The following HDAC9 variants were observed in gnomAD, a reference collection of about 807,000 sequenced individuals.
The protein encoded by HDAC9 is histone deacetylase 9.
A neutral mutation model predicts 139.4 loss-of-function variants in HDAC9; 41 were observed. The ratio of observed to expected loss-of-function variants is 0.29; its 90% CI spans 0.23 to 0.38. The LOEUF (loss-of-function observed/expected upper bound fraction) is 0.38. HDAC9 is among the 10% of genes least tolerant of loss of function. HDAC9 has a pLI of 1.00. For missense variants in HDAC9, 1,147 were observed against 1,297.0 expected, an observed-to-expected ratio of 0.88 and a Z score of 1.78; for synonymous variants, 517 against 476.2, an observed-to-expected ratio of 1.09 and a Z score of -1.12.
At chr7:18,803,181 C>T (rs1483523870) in intron 17 of HDAC9, among the ~76,000 whole-genome samples, 1 of 151,890 alleles carries the variant, frequency 6.6e-6, no homozygotes, top group Non-Finnish European at 1.5e-5. Flanking sequence ...AAAAATTTAA[C>T]CTACTTATAA....
At chr7:18,231,191 GA>G (rs1793436434) in intron 2 of HDAC9, among the ~76,000 whole-genome samples, 1 of 152,150 alleles carries the variant, frequency 6.6e-6, no homozygotes, top group Non-Finnish European at 1.5e-5. Context: ...GAACAGTAAG[GA>G]ACCAGTCTGG....
chr7:18,113,901 A>G (rs993700336), intron 1 of HDAC9, among the ~76,000 whole-genome samples: 2 of 152,212 alleles, frequency 1.3e-5, no homozygotes, highest in African/African-American at 4.8e-5. Context: ...GGTATTGATG[A>G]TGCTAAATAT....
intron 2 of HDAC9, among the ~76,000 whole-genome samples, chr7:18,248,911 G>T (rs941704021): frequency 1.3e-5 from 2 of 152,124 alleles, no homozygotes; most frequent in South Asian, 4.1e-4. Context: ...TCATTATCCT[G>T]CAACAATTGA....
At chr7:18,464,495 G>A (rs1325452037) in intron 1 of HDAC9, among the ~76,000 whole-genome samples, 1 of 151,874 alleles carries the variant, frequency 6.6e-6, no homozygotes, top group Non-Finnish European at 1.5e-5. Context: ...GTGTCATCTT[G>A]ATTTTTGTCA....
intron 12 of HDAC9, among the ~76,000 whole-genome samples, chr7:18,704,853 G>C (rs993865535): frequency 6.6e-6 from 1 of 152,096 alleles, no homozygotes; most frequent in Non-Finnish European, 1.5e-5. Context: ...AGAGGAAATT[G>C]AAGTAAAACA....
intron 8 of HDAC9, among the ~76,000 whole-genome samples, chr7:18,639,439 T>G (rs2129005377): frequency 6.6e-6 from 1 of 152,154 alleles, no homozygotes; most frequent in Admixed American, 6.5e-5. Flanking sequence ...AAGGAAACTC[T>G]GTCAAATGAT....
intron 1 of HDAC9, among the ~76,000 whole-genome samples, chr7:18,422,917 C>G (rs1462621189): frequency 6.6e-6 from 1 of 152,098 alleles, no homozygotes; most frequent in Non-Finnish European, 1.5e-5. Context: ...GAGGTTAGGT[C>G]TCAAAACTTT....
chr7:18,180,774 A>G (rs1789359446), intron 2 of HDAC9, among the ~76,000 whole-genome samples: 1 of 152,200 alleles, frequency 6.6e-6, no homozygotes, highest in Non-Finnish European at 1.5e-5. Context: ...AACAAAGGAA[A>G]TGTATTTTCT....
rs867006055 is a variant in HDAC9, at chr7:18,993,144, T to C, written c.3171-2879T>C. ...TTTTTTAAAAATGTAGACATATTTT[T>C]TGATTATATGAAGATAATGCCACCT... On this transcript the variant is annotated intron_variant, in intron 25 of 25. Coordinates refer to ENST00000686413, the MANE Select transcript of HDAC9 (RefSeq NM_178425.4). Among the ~76,000 whole-genome samples the C allele has an allele frequency of 4.6e-5, 7 of 151,560 alleles. No individual in the cohort carries two copies. The South Asian group carries it at 1.5e-3, about 32-fold the overall frequency.
chr7:18,454,563 A>T (rs1334908243), intron 1 of HDAC9, among the ~76,000 whole-genome samples: 1 of 152,058 alleles, frequency 6.6e-6, no homozygotes, highest in Non-Finnish European at 1.5e-5. Flanking sequence ...AGCTCAACAT[A>T]ATATATTCTT....
At chr7:18,955,918 G>C (rs569443977) in intron 24 of HDAC9, among the ~76,000 whole-genome samples, 1 of 152,228 alleles carries the variant, frequency 6.6e-6, no homozygotes, top group African/African-American at 2.4e-5. Flanking sequence ...TTCCACATAG[G>C]TATAAAAAGG....
chr7:18,169,992 G>A (rs533174319), intron 2 of HDAC9, among the ~76,000 whole-genome samples: 1 of 152,200 alleles, frequency 6.6e-6, no homozygotes, highest in Non-Finnish European at 1.5e-5. Context: ...GGATTGCTGG[G>A]TCAAATGGTA....
At chr7:18,360,189 G>A (rs1383686992) in intron 1 of HDAC9, among the ~76,000 whole-genome samples, 1 of 152,122 alleles carries the variant, frequency 6.6e-6, no homozygotes, top group Non-Finnish European at 1.5e-5. Flanking sequence ...CTTATCCTAT[G>A]TATATTCCTA....
intron 1 of HDAC9, among the ~76,000 whole-genome samples, chr7:18,416,080 G>T (rs1353725960): frequency 6.6e-6 from 1 of 152,116 alleles, no homozygotes; most frequent in Non-Finnish European, 1.5e-5. Flanking sequence ...GATCACCTGA[G>T]GTCAGGAGTT....
At chr7:18,909,354 C>G (rs758511713) in intron 22 of HDAC9, among the ~76,000 whole-genome samples, 2 of 151,866 alleles carry the variant, frequency 1.3e-5, no homozygotes, top group Non-Finnish European at 2.9e-5. Context: ...TGTCTTTTCA[C>G]TTTGTTGATT....
intron 1 of HDAC9, among the ~76,000 whole-genome samples, chr7:18,367,807 A>G (rs1279459966): frequency 2.0e-5 from 3 of 152,086 alleles, no homozygotes; most frequent in South Asian, 2.1e-4. Flanking sequence ...TCAGCAGCCT[A>G]TGAAGGCTGC....
At chr7:18,415,124 A>G (rs1263729561) in intron 1 of HDAC9, among the ~76,000 whole-genome samples, 4 of 152,186 alleles carry the variant, frequency 2.6e-5, no homozygotes, top group Non-Finnish European at 5.9e-5. Flanking sequence ...CTAATTGGTC[A>G]AAACTGAGGT....
At chr7:18,923,255 T>A (rs184366612) in intron 22 of HDAC9, among the ~76,000 whole-genome samples, 385 of 152,154 alleles carry the variant, frequency 2.5e-3, no homozygotes, top group Middle Eastern at 0.014. Context: ...TTTTGAAAAA[T>A]CTAAACTCAC....
chr7:18,404,034 C>T (rs538143075), intron 1 of HDAC9, among the ~76,000 whole-genome samples: 8 of 152,146 alleles, frequency 5.3e-5, no homozygotes, highest in South Asian at 4.2e-4. Context: ...GCTAGGAATG[C>T]GGCATGTTGG....
Sources: allele counts gnomAD v4.1 joint callset (sites outside exome capture counted in the v4.1 genomes callset), GRCh38; gene constraint gnomAD v4.1.1; transcripts MANE v1.5; gene names NCBI Gene and HGNC (gene_info 2026-07-23, HGNC 2026-07-21).